Variants in DOCK1 observed in about 807,000 individuals in gnomAD.
The protein encoded by DOCK1 is dedicator of cytokinesis protein 1.
Under a neutral mutation model 262.7 loss-of-function variants are expected in DOCK1, and 138 were observed. The observed-to-expected ratio is 0.53, with a 90% CI of 0.46 to 0.61. The LOEUF is 0.61. Among genes scored for constraint, DOCK1 ranks in the 20% least tolerant of loss-of-function variants. The pLI, the probability that DOCK1 is intolerant of heterozygous loss-of-function variation, is 0.00. For missense variants in DOCK1, 1,908 were observed against 2,370.7 expected (o/e 0.80, Z 4.05); for synonymous variants, 866 against 867.4 (o/e 1.00, Z 0.03).
intron 27 of DOCK1, among the ~76,000 whole-genome samples, chr10:127,245,709 G>A (rs1207381693): frequency 6.6e-6 from 1 of 152,174 alleles, no homozygotes. Context: ...GAGTCTGGCT[G>A]CACTGATGTT....
chr10:127,417,023 T>G (rs920109234), intron 44 of DOCK1, among the ~76,000 whole-genome samples: 7 of 152,016 alleles, frequency 4.6e-5, no homozygotes, highest in African/African-American at 1.7e-4. Flanking sequence ...CACCTAGGAG[T>G]GCCAGTCTAG....
At chr10:127,233,319 A>AT (rs1488694548) in intron 27 of DOCK1, among the ~76,000 whole-genome samples, 1 of 152,246 alleles carries the variant, frequency 6.6e-6, no homozygotes, top group East Asian at 1.9e-4. Context: ...CCGTATAAAC[A>AT]TAACTTAGAA....
intron 27 of DOCK1, among the ~76,000 whole-genome samples, chr10:127,226,284 C>T (rs1172562054): frequency 2.0e-5 from 3 of 152,246 alleles, no homozygotes; most frequent in East Asian, 1.9e-4. Flanking sequence ...CTCCTTAGCT[C>T]TACCCTACCC....
chr10:127,361,328 A>T (rs768613453), intron 32 of DOCK1, among the ~76,000 whole-genome samples: 3 of 151,774 alleles, frequency 2.0e-5, no homozygotes, highest in East Asian at 3.9e-4. Context: ...GTTAGCCAGG[A>T]TGGTCTCGAT....
intron 27 of DOCK1, among the ~76,000 whole-genome samples, chr10:127,187,541 G>T (rs1471993351): frequency 2.0e-5 from 3 of 152,096 alleles, no homozygotes; most frequent in Admixed American, 2.0e-4. Flanking sequence ...TTTTGTTTTT[G>T]TGTGTGGGTT....
chr10:127,080,487 C>G (rs2046839160), intron 23 of DOCK1, among the ~76,000 whole-genome samples: 1 of 151,988 alleles, frequency 6.6e-6, no homozygotes, highest in African/African-American at 2.4e-5. Flanking sequence ...TAATATCCAG[C>G]CCTCCTGAGG....
intron 27 of DOCK1, among the ~76,000 whole-genome samples, chr10:127,224,157 G>GT (rs1252405214): frequency 1.3e-5 from 2 of 151,936 alleles, no homozygotes; most frequent in Admixed American, 6.6e-5. Context: ...TGGAAAACCA[G>GT]TTTTTTTTCA....
At chr10:127,327,335 C>G (rs1345934122) in intron 29 of DOCK1, among the ~76,000 whole-genome samples, 1 of 152,218 alleles carries the variant, frequency 6.6e-6, no homozygotes, top group Non-Finnish European at 1.5e-5. Context: ...CCTAGGTCTT[C>G]TGGAGAACTT....
chr10:127,110,405 A>G, intron 25 of DOCK1, 51 bp downstream of exon 25: 1 of 1,515,714 alleles, frequency 6.6e-7, no homozygotes. Context: ...TATTTTCTGA[A>G]GACATTGACC....
intron 27 of DOCK1, 22 bp from the exon 28 acceptor site, chr10:127,247,986 C>G (rs1186637220): frequency 1.2e-6 from 2 of 1,609,686 alleles, no homozygotes; most frequent in Non-Finnish European, 8.5e-7. Flanking sequence ...TCATCTAATT[C>G]TATCTTTTGA....
intron 51 of DOCK1, among the ~76,000 whole-genome samples, chr10:127,449,742 T>G (rs2070832850): frequency 6.6e-6 from 1 of 152,146 alleles, no homozygotes. Context: ...TCTGCCATGA[T>G]GGGGGTGTGA....
At chr10:127,192,076 C>T (rs1468305877) in intron 27 of DOCK1, among the ~76,000 whole-genome samples, 7 of 152,110 alleles carry the variant, frequency 4.6e-5, no homozygotes, top group Non-Finnish European at 1.0e-4. Context: ...TCTTTTGTTT[C>T]TTTACCATTC....
intron 27 of DOCK1, among the ~76,000 whole-genome samples, chr10:127,205,069 C>T (rs1455832154): frequency 1.3e-5 from 2 of 151,822 alleles, no homozygotes; most frequent in Non-Finnish European, 2.9e-5. Flanking sequence ...TTCTCTGAAC[C>T]CAAATATGAC....
chr10:127,262,213 C>CGTGT (rs1554934725), intron 29 of DOCK1, among the ~76,000 whole-genome samples: 11,446 of 126,484 alleles, frequency 0.09, 832 homozygotes, highest in African/African-American at 0.14. Context: ...TGTGTGTGTG[C>CGTGT]GTGTGTGTGT....
intron 31 of DOCK1, among the ~76,000 whole-genome samples, chr10:127,347,688 C>T (rs553088886): frequency 3.3e-5 from 5 of 151,052 alleles, no homozygotes; most frequent in Admixed American, 6.6e-5. Flanking sequence ...GTCTGTTTCT[C>T]GGGGGAAAGG....
chr10:127,441,807 C>T (rs2070171465), intron 49 of DOCK1, among the ~76,000 whole-genome samples: 2 of 150,036 alleles, frequency 1.3e-5, no homozygotes, highest in African/African-American at 4.9e-5. Flanking sequence ...GGTTCGGTTT[C>T]CTACTTGATT....
At chr10:127,312,453 A>G (rs1474448278) in intron 29 of DOCK1, among the ~76,000 whole-genome samples, 1 of 152,142 alleles carries the variant, frequency 6.6e-6, no homozygotes, top group Non-Finnish European at 1.5e-5. Context: ...TGCTTCTTGC[A>G]TTCTTAAGTC....
At chr10:127,318,829 G>A (rs1454720249) in intron 29 of DOCK1, among the ~76,000 whole-genome samples, 1 of 152,156 alleles carries the variant, frequency 6.6e-6, no homozygotes, top group Non-Finnish European at 1.5e-5. Context: ...CAATGTCAGA[G>A]ACTATGAGTG....
rs182733647 is a variant in DOCK1, at chr10:127,147,476, C to T, written c.2847+19712C>T. On this transcript the variant is annotated intron_variant, in intron 27 of 51. Transcript: ENST00000623213. ...TCACCTCCTCCTCGCCTGCCTTTTA[C>T]GTCCTTGCACCTGTGGCTCTCACCT... Among the ~76,000 whole-genome samples, 15 of 152,266 alleles carry T rather than the reference C, an allele frequency of 9.9e-5. No individual in the cohort carries two copies. In the East Asian group the frequency reaches 1.2e-3, roughly 12 times the overall value.
Sources: allele counts gnomAD v4.1 joint callset (sites outside exome capture counted in the v4.1 genomes callset), GRCh38; gene constraint gnomAD v4.1.1; transcripts MANE v1.5; gene names NCBI Gene and HGNC (gene_info 2026-07-23, HGNC 2026-07-21).